MOCOS: variants seen among roughly 807,000 people sequenced by gnomAD.
The protein encoded by MOCOS is molybdenum cofactor sulfurase, also known as human molybdenum cofactor sulfurase.
MOCOS carries 86 observed loss-of-function variants against 83.6 expected under a neutral mutation model. The observed-to-expected ratio is 1.03, with a 90% CI of 0.86 to 1.23. The LOEUF (loss-of-function observed/expected upper bound fraction) is 1.23, where lower values mean the gene tolerates loss of function less well. MOCOS is among the 50% of genes most tolerant of loss of function. The pLI is 0.00. For synonymous variants in MOCOS, 445 were observed against 434.7 expected (o/e 1.02, Z -0.29); for missense variants, 1,120 against 1,126.9 (o/e 0.99, Z 0.09).
At chr18:36,192,357 G>A (rs56869233) in intron 1 of MOCOS, among the ~76,000 whole-genome samples, 22,409 of 152,060 alleles carry the variant, frequency 0.15, 1,874 homozygotes, top group East Asian at 0.32. Context: ...AATTCCGAAG[G>A]CATCAAAAAT....
intron 6 of MOCOS, 118 bp downstream of exon 6, chr18:36,205,394 T>C: frequency 9.6e-7 from 1 of 1,040,168 alleles, no homozygotes; most frequent in Non-Finnish European, 1.5e-6. Context: ...CTCAGCCACA[T>C]GCCTTTCCAC....
At chr18:36,260,399 A>G (rs1457215788) in intron 13 of MOCOS, among the ~76,000 whole-genome samples, 1 of 152,108 alleles carries the variant, frequency 6.6e-6, no homozygotes, top group African/African-American at 2.4e-5. Context: ...CGCACACACC[A>G]CAGAAGGTGT....
At chr18:36,235,037 T>C (rs560286427) in intron 9 of MOCOS, among the ~76,000 whole-genome samples, 59 of 152,224 alleles carry the variant, frequency 3.9e-4, no homozygotes, top group Non-Finnish European at 6.8e-4. Flanking sequence ...AGCCACACCA[T>C]ATTATTCTGC....
At chr18:36,223,422 ACT>A (rs1161879945) in intron 9 of MOCOS, among the ~76,000 whole-genome samples, 33 of 152,000 alleles carry the variant, frequency 2.2e-4, no homozygotes, top group African/African-American at 7.2e-4. Flanking sequence ...TTATATCTGG[ACT>A]CTCTAGCCTG....
intron 13 of MOCOS, among the ~76,000 whole-genome samples, chr18:36,263,553 T>C (rs574120737): frequency 6.6e-6 from 1 of 152,330 alleles, no homozygotes; most frequent in East Asian, 1.9e-4. Context: ...CGAGTGTGTT[T>C]ACACAGGTGC....
At chr18:36,241,923 G>A (rs2091585031) in intron 9 of MOCOS, among the ~76,000 whole-genome samples, 1 of 152,202 alleles carries the variant, frequency 6.6e-6, no homozygotes, top group African/African-American at 2.4e-5. Context: ...CAGAATGCAG[G>A]GCACCAAATC....
In MOCOS at chr18:36,193,997, G is replaced by C. The variant is rs535561367; in HGVS notation, c.143-1260G>C. 2.0e-5 allele frequency among the ~76,000 whole-genome samples: 3 copies of C among 152,314 alleles called. No homozygotes were observed. In the South Asian group the frequency reaches 6.2e-4, roughly 32 times the overall value. ...TTCTGATACATGCTAAAATGTGGACGTACCTTGAAAACATTATGCTAAATT... is the reference window on the plus strand; with the variant it reads ...TTCTGATACATGCTAAAATGTGGACCTACCTTGAAAACATTATGCTAAATT... On this transcript the variant is annotated intron_variant, in intron 1 of 14. Transcript: ENST00000261326.
At position 36,213,442 on chromosome 18, in the gene MOCOS, A is replaced by G; in HGVS notation, c.1295A>G (p.His432Arg). 10 of 1,614,068 alleles carry G rather than the reference A, an allele frequency of 6.2e-6. No individual in the cohort carries two copies. Among genetic ancestry groups the G allele is most frequent in the Non-Finnish European group, 8.5e-6 (10 of 1,180,016 alleles). ...TGTAACACTGGGGCCTGCCAGAGGC[A>G]CCTGGGCATAAGCAACGAGATGGTC... is the stretch of plus-strand genomic sequence containing the variant. ...CFCNTGACQRHLGISNEMVRK... is the reference protein window; with the variant it reads ...CFCNTGACQRRLGISNEMVRK... The change falls in exon 7 of 15, where the codon CAC (histidine) becomes CGC (arginine). Residue 432 changes from histidine (H) to arginine (R), a missense_variant. Coordinates refer to ENST00000261326, the MANE Select transcript of MOCOS (RefSeq NM_017947.4).
chr18:36,256,294 C>T (rs1235701056), intron 11 of MOCOS, among the ~76,000 whole-genome samples: 2 of 152,232 alleles, frequency 1.3e-5, no homozygotes, highest in Admixed American at 6.5e-5. Flanking sequence ...TTCAGAAGCT[C>T]TTCCTGGGCC....
In MOCOS at chr18:36,271,244, G is replaced by A. The variant is rs193185274; in HGVS notation, c.*2559G>A. 135 of 152,194 alleles carry A rather than the reference G, an allele frequency of 8.9e-4. No homozygotes were observed. The highest frequency in any genetic ancestry group is 3.0e-3 in the African/African-American group (126 of 41,518). 9.4% of individuals were successfully genotyped at this position (152,194 alleles called of 1,614,324 possible). On this transcript the variant is annotated 3_prime_UTR_variant, in exon 15 of 15. Coordinates refer to ENST00000261326, the MANE Select transcript of MOCOS (RefSeq NM_017947.4). ...TTCACTAGACTGTAAGCTCCATGAG[G>A]ACAAGTCCTGTGCCAGTATATCTCT...
intron 7 of MOCOS, among the ~76,000 whole-genome samples, chr18:36,214,459 C>T (rs888463925): frequency 3.9e-5 from 6 of 151,986 alleles, no homozygotes; most frequent in South Asian, 4.2e-4. Context: ...GGGTTGGGTG[C>T]GGTGTGGAAC....
At chr18:36,220,844 G>A (rs1485820740) in intron 9 of MOCOS, among the ~76,000 whole-genome samples, 2 of 151,662 alleles carry the variant, frequency 1.3e-5, no homozygotes, top group South Asian at 4.2e-4. Flanking sequence ...CAGGAGTATC[G>A]CTTGAGCCCC....
intron 13 of MOCOS, among the ~76,000 whole-genome samples, chr18:36,265,380 G>T (rs998047533): frequency 1.3e-5 from 2 of 152,144 alleles, no homozygotes; most frequent in African/African-American, 4.8e-5. Flanking sequence ...AATTTCTTCG[G>T]GTCTAATCAG....
intron 6 of MOCOS, among the ~76,000 whole-genome samples, chr18:36,208,667 G>T (rs2091443157): frequency 6.6e-6 from 1 of 152,170 alleles, no homozygotes; most frequent in Non-Finnish European, 1.5e-5. Context: ...TACTGAAGTT[G>T]TTTATTAGTT....
intron 12 of MOCOS, 125 bp from the exon 13 acceptor site, chr18:36,259,912 C>T (rs930196299): frequency 7.4e-7 from 1 of 1,343,068 alleles, no homozygotes; most frequent in African/African-American, 1.4e-5. Context: ...TTTTGATTAT[C>T]CAGGGCACAG....
intron 4 of MOCOS, among the ~76,000 whole-genome samples, chr18:36,200,583 C>T (rs533702319): frequency 1.4e-4 from 21 of 152,306 alleles, no homozygotes; most frequent in African/African-American, 5.1e-4. Context: ...CAGATAAGAA[C>T]TGCACACAGG....
At chr18:36,191,062 C>T (rs984783867) in intron 1 of MOCOS, among the ~76,000 whole-genome samples, 8 of 148,346 alleles carry the variant, frequency 5.4e-5, no homozygotes, top group Non-Finnish European at 1.2e-4. Context: ...TAGCACCTGC[C>T]CCTTCACAAG....
chr18:36,208,533 T>C (rs1367233042), intron 6 of MOCOS, among the ~76,000 whole-genome samples: 1 of 152,194 alleles, frequency 6.6e-6, no homozygotes, highest in Non-Finnish European at 1.5e-5. Flanking sequence ...GATTCCTAGG[T>C]ATTTTATTAT....
At chr18:36,241,124 G>A (rs550033849) in intron 9 of MOCOS, among the ~76,000 whole-genome samples, 55 of 152,254 alleles carry the variant, frequency 3.6e-4, no homozygotes, top group African/African-American at 8.7e-4. Context: ...GCTGTAGACC[G>A]GAGCTGTTCC....
Sources: gnomAD v4.1 joint callset for allele counts (sites outside exome capture counted in the v4.1 genomes callset) on GRCh38, gnomAD v4.1.1 for gene constraint, MANE v1.5 for transcripts, NCBI Gene and HGNC (gene_info 2026-07-23, HGNC 2026-07-21) for gene names.